The following RNF149 variants were observed in gnomAD, a reference collection of about 807,000 sequenced individuals.
The protein encoded by RNF149 is ring finger protein 149, also known as E3 ubiquitin-protein ligase RNF149.
Under a neutral mutation model 39.0 loss-of-function variants are expected in RNF149, and 21 were observed. The observed-to-expected ratio is 0.54, with a 90% CI of 0.38 to 0.77. The LOEUF is 0.77. Ranked by LOEUF, RNF149 falls within the 30% of genes least tolerant of loss-of-function variation. The pLI, the probability that RNF149 is intolerant of heterozygous loss-of-function variation, is 0.00. For synonymous variants in RNF149, 209 were observed against 213.6 expected, an observed-to-expected ratio of 0.98 and a Z score of 0.19; for missense variants, 493 against 534.9, an observed-to-expected ratio of 0.92 and a Z score of 0.77.
rs1164668407 is a variant in RNF149, at chr2:101,294,953, G to C, written c.689C>G (p.Thr230Ser). The change falls in exon 2 of 7, where the codon ACT becomes AGT. Residue 230 changes from threonine to serine, a missense_variant. Thr to Ser is a moderately conservative substitution (Grantham distance 58). Coordinates refer to ENST00000295317, the MANE Select transcript of RNF149 (RefSeq NM_173647.4). The stretch of plus-strand genomic sequence containing the variant: ...TACCTGACTTCCAATCTGAGAGCCA[G>C]TATATAGGAAACGCTGTATATAGTA... ...IFYYIQRFLY[T>S]GSQIGSQSHR... 1 of 1,613,434 alleles carries C rather than the reference G, an allele frequency of 6.2e-7. No homozygotes were observed. The highest frequency in any genetic ancestry group is 2.2e-5 in the East Asian group (1 of 44,874).
At chr2:101,273,461 T>C (rs1682214415), downstream of RNF149, 2 of 408,278 alleles carry the variant, frequency 4.9e-6, no homozygotes, top group Non-Finnish European at 9.8e-6. Context: ...GCAAAAACTC[T>C]TGTAATATTT....
At chr2:101,293,460 T>C (rs1022550318) in intron 3 of RNF149, among the ~76,000 whole-genome samples, 11 of 152,236 alleles carry the variant, frequency 7.2e-5, no homozygotes, top group African/African-American at 2.2e-4. Context: ...GCTTCTAGAT[T>C]CAGGATTTGT....
chr2:101,303,753 G>A (rs1417268970), intron 1 of RNF149, among the ~76,000 whole-genome samples: 1 of 151,650 alleles, frequency 6.6e-6, no homozygotes, highest in African/African-American at 2.4e-5. Flanking sequence ...AACCTCCCCT[G>A]GAGAGTTCAG....
intron 3 of RNF149, among the ~76,000 whole-genome samples, chr2:101,290,386 A>G (rs1010218532): frequency 6.6e-6 from 1 of 152,250 alleles, no homozygotes; most frequent in Non-Finnish European, 1.5e-5. Flanking sequence ...AGAATGGAAT[A>G]TGATGTAGAC....
At position 101,276,326 on chromosome 2, in the gene RNF149, A is replaced by C; in HGVS notation, c.*912T>G. On this transcript the variant is annotated 3_prime_UTR_variant, in exon 7 of 7. Coordinates refer to ENST00000295317, the MANE Select transcript of RNF149 (RefSeq NM_173647.4). ...CAAAAGAACAGCAAGCAAGTAAAAA[A>C]GAAGAAACGGTTAAGCAAGGTCATG... 1.0e-6 allele frequency: 1 copy of C among 985,818 alleles called. No homozygotes were observed. Among genetic ancestry groups the C allele is most frequent in the Non-Finnish European group, 1.2e-6 (1 of 829,932 alleles). The allele number at this position is 985,818 out of a possible 1,614,324, so 61.1% of individuals were successfully genotyped here.
Position 101,275,971 on chromosome 2 carries a change from T to C in RNF149, c.*1267A>G. 1.0e-6 allele frequency: 1 copy of C among 965,370 alleles called. No individual in the cohort carries two copies. Among genetic ancestry groups the C allele is most frequent in the Non-Finnish European group, 1.2e-6 (1 of 811,696 alleles). The allele number at this position is 965,370 out of a possible 1,614,324, so 59.8% of individuals were successfully genotyped here. A position where few individuals can be genotyped will look rare whatever the true frequency, so the allele number is the denominator to read the frequency against. ...TCTGTAGAGTTTATTTCAGTAAAAC[T>C]GTTTACTATTTCATGATGAGTAGCT... On this transcript the variant is annotated 3_prime_UTR_variant, in exon 7 of 7. Transcript: ENST00000295317.
chr2:101,303,616 T>C (rs1683543804), intron 1 of RNF149, among the ~76,000 whole-genome samples: 1 of 152,174 alleles, frequency 6.6e-6, no homozygotes, highest in Non-Finnish European at 1.5e-5. Context: ...TTTATTCTTA[T>C]ACCTCTTATC....
In RNF149 at chr2:101,276,465, A is replaced by T; in HGVS notation, c.*773T>A. On this transcript the variant is annotated 3_prime_UTR_variant, in exon 7 of 7. Transcript: ENST00000295317. ...ATTGTAAAGATTAAATTGTAACTGA[A>T]ATCAATATAACAGATTCTGAGTCTG... 1.0e-6 allele frequency: 1 copy of T among 985,736 alleles called. No homozygotes were observed. The highest frequency in any genetic ancestry group is 1.2e-6 in the Non-Finnish European group (1 of 829,804). 61.1% of individuals were successfully genotyped at this position (985,736 alleles called of 1,614,324 possible).
intron 6 of RNF149, among the ~76,000 whole-genome samples, chr2:101,280,176 A>AAATAATAATAATAATAATAAT (rs535984877): frequency 8.4e-4 from 124 of 148,286 alleles, no homozygotes; most frequent in African/African-American, 2.8e-3. Flanking sequence ...ACTCCATCTC[A>AAATAATAATAATAATAATAAT]AATAATAATA....
chr2:101,272,282 C>T (rs576909865), downstream of RNF149, among the ~76,000 whole-genome samples: 8 of 152,276 alleles, frequency 5.3e-5, no homozygotes, highest in South Asian at 8.3e-4. Context: ...CCCTACATCT[C>T]GGCAAAGAAA....
intron 4 of RNF149, among the ~76,000 whole-genome samples, chr2:101,286,972 T>A (rs1020083241): frequency 2.0e-5 from 3 of 152,242 alleles, no homozygotes; most frequent in African/African-American, 7.2e-5. Context: ...TTTGGTATTA[T>A]TACTGTTGTT....
intron 6 of RNF149, among the ~76,000 whole-genome samples, chr2:101,277,890 T>C (rs1326555886): frequency 6.6e-6 from 1 of 152,018 alleles, no homozygotes; most frequent in East Asian, 1.9e-4. Flanking sequence ...GTTGAACAAG[T>C]AGCTAAGGTG....
Position 101,276,843 on chromosome 2 carries a change from C to T in RNF149, c.*395G>A. ...AGATCAATTATCGAATTGAATTATA[C>T]AATTCCACTTCAACTAGTCTAACAT... On this transcript the variant is annotated 3_prime_UTR_variant, in exon 7 of 7. Coordinates refer to ENST00000295317, the MANE Select transcript of RNF149 (RefSeq NM_173647.4). 1 of 1,002,348 alleles carries T rather than the reference C, an allele frequency of 1.0e-6. No individual in the cohort carries two copies. Among genetic ancestry groups the T allele is most frequent in the African/African-American group, 1.7e-5 (1 of 57,388 alleles). The allele number at this position is 1,002,348 out of a possible 1,614,324, so 62.1% of individuals were successfully genotyped here. A position where few individuals can be genotyped will look rare whatever the true frequency, so the allele number is the denominator to read the frequency against.
In RNF149 at chr2:101,285,411, T is replaced by C. The variant is rs12616551; in HGVS notation, c.960+670A>G. Reference sequence around the variant, plus strand: ...CATTAGCTAACTGCATGACCTCAGGTGAGTTATTTAGCTTCTCTAAGCTCA... The same window carrying C: ...CATTAGCTAACTGCATGACCTCAGGCGAGTTATTTAGCTTCTCTAAGCTCA... On this transcript the variant is annotated intron_variant, in intron 5 of 6. Coordinates refer to ENST00000295317, the MANE Select transcript of RNF149 (RefSeq NM_173647.4). 4.8e-3 allele frequency among the ~76,000 whole-genome samples: 725 copies of C among 152,276 alleles called. 13 individuals are homozygous for C. In the East Asian group the frequency reaches 0.074, roughly 16 times the overall value.
At chr2:101,273,001 G>A (rs2104376093), downstream of RNF149, 1 of 1,352,478 alleles carries the variant, frequency 7.4e-7, no homozygotes, top group Non-Finnish European at 9.8e-7. Flanking sequence ...AGAGCAAACT[G>A]CTGATGGAGA....
At chr2:101,272,235 C>T (rs1461339364), downstream of RNF149, among the ~76,000 whole-genome samples, 1 of 152,198 alleles carries the variant, frequency 6.6e-6, no homozygotes, top group Non-Finnish European at 1.5e-5. Flanking sequence ...ACACAAAGTC[C>T]TAGTGTTCCC....
At chr2:101,283,683 G>A (rs1044406944) in intron 5 of RNF149, among the ~76,000 whole-genome samples, 16 of 152,102 alleles carry the variant, frequency 1.1e-4, no homozygotes, top group African/African-American at 3.6e-4. Flanking sequence ...AATAAATTAG[G>A]CATTCTGGGG....
intron 5 of RNF149, among the ~76,000 whole-genome samples, chr2:101,283,186 G>A (rs1682657759): frequency 1.3e-5 from 2 of 152,044 alleles, no homozygotes; most frequent in Non-Finnish European, 2.9e-5. Flanking sequence ...CAGGGCACGT[G>A]ACCCCTCCTC....
chr2:101,273,192 G>T, downstream of RNF149: 2 of 1,185,170 alleles, frequency 1.7e-6, no homozygotes, highest in Non-Finnish European at 2.3e-6. Context: ...AACCCAGAAC[G>T]CCAGTCCAGA....
Sources: allele counts gnomAD v4.1 joint callset (sites outside exome capture counted in the v4.1 genomes callset), GRCh38; gene constraint gnomAD v4.1.1; transcripts MANE v1.5; gene names NCBI Gene and HGNC (gene_info 2026-07-23, HGNC 2026-07-21).